The following AKT3 variants were observed in gnomAD, a reference collection of about 807,000 sequenced individuals.
The protein encoded by AKT3 is RAC-gamma serine/threonine-protein kinase.
A neutral mutation model predicts 65.3 loss-of-function variants in AKT3; 15 were observed. The ratio of observed to expected loss-of-function variants is 0.23; its 90% confidence interval spans 0.15 to 0.35. AKT3 has a LOEUF of 0.35. Ranked by LOEUF, AKT3 falls within the 10% of genes least tolerant of loss-of-function variation. The pLI, the probability that AKT3 is intolerant of heterozygous loss-of-function variation, is 1.00. For missense variants in AKT3, 243 were observed against 576.5 expected, an observed-to-expected ratio of 0.42 and a Z score of 5.92; for synonymous variants, 206 against 183.8, an observed-to-expected ratio of 1.12 and a Z score of -0.98.
chr1:243,774,322 G>T (rs1690406930), intron 2 of AKT3, among the ~76,000 whole-genome samples: 1 of 152,054 alleles, frequency 6.6e-6, no homozygotes, highest in Non-Finnish European at 1.5e-5. Context: ...AATTTTTCCT[G>T]TGTTTATACC....
chr1:243,709,723 C>G (rs996996688), intron 2 of AKT3, among the ~76,000 whole-genome samples: 1 of 151,904 alleles, frequency 6.6e-6, no homozygotes, highest in Non-Finnish European at 1.5e-5. Flanking sequence ...TTATAAAATT[C>G]TTTTCTATAA....
intron 3 of AKT3, among the ~76,000 whole-genome samples, chr1:243,682,148 A>C (rs1452019179): frequency 6.6e-6 from 1 of 152,088 alleles, no homozygotes; most frequent in African/African-American, 2.4e-5. Flanking sequence ...TCTACATTCA[A>C]CTTAACCAAA....
intron 8 of AKT3, among the ~76,000 whole-genome samples, chr1:243,575,208 T>A (rs1674852822): frequency 6.6e-6 from 1 of 152,170 alleles, no homozygotes; most frequent in African/African-American, 2.4e-5. Context: ...GAAACACATT[T>A]CTGGGCTTTG....
At chr1:243,605,559 A>G (rs1419128362) in intron 8 of AKT3, among the ~76,000 whole-genome samples, 3 of 152,222 alleles carry the variant, frequency 2.0e-5, no homozygotes, top group Non-Finnish European at 4.4e-5. Context: ...ACATCATTTA[A>G]ATCAACTTGT....
chr1:243,761,722 C>A (rs1180887249), intron 2 of AKT3, among the ~76,000 whole-genome samples: 13 of 152,126 alleles, frequency 8.5e-5, no homozygotes, highest in Admixed American at 8.5e-4. Flanking sequence ...AAGCCCATAG[C>A]ACCACGTTGG....
chr1:243,655,555 T>C (rs1420928369), intron 4 of AKT3, among the ~76,000 whole-genome samples: 1 of 152,180 alleles, frequency 6.6e-6, no homozygotes, highest in African/African-American at 2.4e-5. Flanking sequence ...ATGTGAGGTC[T>C]AGGAAGATAT....
At chr1:243,600,551 TG>T (rs1676934886) in intron 8 of AKT3, among the ~76,000 whole-genome samples, 1 of 152,070 alleles carries the variant, frequency 6.6e-6, no homozygotes. Flanking sequence ...AATCATTCAA[TG>T]GGAGAAAGAC....
intron 2 of AKT3, among the ~76,000 whole-genome samples, chr1:243,804,890 G>A (rs1027036213): frequency 2.0e-5 from 3 of 151,658 alleles, no homozygotes; most frequent in Non-Finnish European, 4.4e-5. Flanking sequence ...TACATTAACT[G>A]TAGTCATCAT....
At chr1:243,613,783 T>TATATAATAA (rs1319209361) in intron 7 of AKT3, 44 bp from the exon 8 acceptor site, 52 of 1,259,334 alleles carry the variant, frequency 4.1e-5, no homozygotes, top group Non-Finnish European at 5.6e-5. Flanking sequence ...TAATCCTGTA[T>TATATAATAA]TCTTATAATT....
At chr1:243,597,091 G>C (rs1052551992) in intron 8 of AKT3, among the ~76,000 whole-genome samples, 1 of 152,160 alleles carries the variant, frequency 6.6e-6, no homozygotes, top group Non-Finnish European at 1.5e-5. Flanking sequence ...AGGCATGGCA[G>C]AACTTTTTGA....
At chr1:243,549,435 C>CT (rs1056284619) in intron 11 of AKT3, among the ~76,000 whole-genome samples, 87 of 152,032 alleles carry the variant, frequency 5.7e-4, no homozygotes, top group African/African-American at 2.0e-3. Flanking sequence ...CATAAATATT[C>CT]TTTTTAAAAA....
chr1:243,500,975 T>G lies in AKT3; in HGVS notation c.*4274A>C, dbSNP rs775991264. The G allele has an allele frequency of 5.3e-5, 12 of 228,214 alleles. No individual in the cohort carries two copies. The highest frequency in any genetic ancestry group is 8.7e-5 in the Non-Finnish European group (10 of 115,010). The allele number at this position is 228,214 out of a possible 1,614,324, so 14.1% of individuals were successfully genotyped here. A position where few individuals can be genotyped will look rare whatever the true frequency, so the allele number is the denominator to read the frequency against. On this transcript the variant is annotated 3_prime_UTR_variant, in exon 14 of 14. Transcript: ENST00000673466. ...ACTGTGAATAAATTATACAATATTC[T>G]AAAAATAGCACCTTTAAAGAATTAT...
At chr1:243,535,184 T>TATATTTAA (rs1368600036) in intron 12 of AKT3, among the ~76,000 whole-genome samples, 5 of 148,124 alleles carry the variant, frequency 3.4e-5, no homozygotes, top group Non-Finnish European at 3.0e-5. Context: ...AATTTTAAAA[T>TATATTTAA]AATTTTAAAA....
chr1:243,699,955 G>C (rs1226400619), intron 2 of AKT3, among the ~76,000 whole-genome samples: 2 of 152,150 alleles, frequency 1.3e-5, no homozygotes, highest in Non-Finnish European at 2.9e-5. Context: ...GAAGCAAGAA[G>C]AGACAACAAG....
intron 3 of AKT3, among the ~76,000 whole-genome samples, chr1:243,666,890 A>G (rs1682821227): frequency 6.6e-6 from 1 of 152,158 alleles, no homozygotes. Flanking sequence ...ACATGATGAG[A>G]TGAGAAAACA....
At chr1:243,550,707 A>G (rs1672989991) in intron 11 of AKT3, among the ~76,000 whole-genome samples, 1 of 149,832 alleles carries the variant, frequency 6.7e-6, no homozygotes, top group Non-Finnish European at 1.5e-5. Context: ...GCACTTTGGA[A>G]AGCCGAGGGG....
At chr1:243,544,195 T>A (rs1343636745) in intron 12 of AKT3, among the ~76,000 whole-genome samples, 2 of 115,528 alleles carry the variant, frequency 1.7e-5, no homozygotes, top group Non-Finnish European at 3.3e-5. Context: ...CATCTGAAAA[T>A]CAAAGTATCA....
rs2148345631 is a variant in AKT3, at chr1:243,505,325, T to G, written c.1364A>C (p.Asp455Ala). Residue 455 changes from aspartate to alanine, a missense_variant, in exon 14 of 14, where the codon GAT becomes GCT. Asp to Ala is a moderately radical substitution (Grantham distance 126). Transcript: ENST00000673466. The stretch of plus-strand genomic sequence containing the variant: ...CTCATTGTCCATGCAGTCCATACCA[T>G]CCTCATCATCTGTGGGCAGGAAACA... Reference protein sequence around the residue: ...TITPPEKYDEDGMDCMDNERR... With the variant: ...TITPPEKYDEAGMDCMDNERR... 1 of 1,613,944 alleles carries G rather than the reference T, an allele frequency of 6.2e-7. No individual in the cohort carries two copies. The highest frequency in any genetic ancestry group is 1.6e-4 in the Middle Eastern group (1 of 6,062).
rs1209728726 is a variant in AKT3, at chr1:243,501,547, A to C, written c.*3702T>G. On this transcript the variant is annotated 3_prime_UTR_variant, in exon 14 of 14. Coordinates refer to ENST00000673466, the MANE Select transcript of AKT3 (RefSeq NM_005465.7). The stretch of plus-strand genomic sequence containing the variant: ...CCCCTCAGAAGCAGCCGTTCATCAA[A>C]GTTTGCACAACCGCACTACTGCCAT... 1 of 233,164 alleles carries C rather than the reference A, an allele frequency of 4.3e-6. No homozygotes were observed. The highest frequency in any genetic ancestry group is 8.5e-6 in the Non-Finnish European group (1 of 118,050). 14.4% of individuals were successfully genotyped at this position (233,164 alleles called of 1,614,324 possible). A position where few individuals can be genotyped will look rare whatever the true frequency, so the allele number is the denominator to read the frequency against.
Sources: gnomAD v4.1 joint callset for allele counts (sites outside exome capture counted in the v4.1 genomes callset) on GRCh38, gnomAD v4.1.1 for gene constraint, MANE v1.5 for transcripts, NCBI Gene and HGNC (gene_info 2026-07-23, HGNC 2026-07-21) for gene names.